WWP1: variants seen among roughly 807,000 people sequenced by gnomAD.
WWP1 encodes NEDD4-like E3 ubiquitin-protein ligase WWP1.
In WWP1, 49 loss-of-function variants were observed where a neutral mutation model predicts 130.6. The ratio of observed to expected loss-of-function variants is 0.38; its 90% CI spans 0.30 to 0.48. The LOEUF is 0.48. Ranked by LOEUF, WWP1 falls within the 20% of genes least tolerant of loss-of-function variation. The pLI, the probability that WWP1 is intolerant of heterozygous loss-of-function variation, is 0.99. For synonymous variants in WWP1, 332 were observed against 367.8 expected, an observed-to-expected ratio of 0.90 and a Z score of 1.11; for missense variants, 809 against 1,100.6, an observed-to-expected ratio of 0.74 and a Z score of 3.75.
chr8:86,352,781 C>G (rs1763095637), intron 1 of WWP1, among the ~76,000 whole-genome samples: 1 of 152,194 alleles, frequency 6.6e-6, no homozygotes, highest in Non-Finnish European at 1.5e-5. Context: ...TTGATCCAAA[C>G]AAACTCTAGA....
Position 86,468,316 on chromosome 8 carries a change from C to A in WWP1, c.*1423C>A. The A allele has an allele frequency of 2.3e-6, 1 of 427,998 alleles. No individual in the cohort carries two copies. Among genetic ancestry groups the A allele is most frequent in the Non-Finnish European group, 4.6e-6 (1 of 219,426 alleles). The allele number at this position is 427,998 out of a possible 1,614,324, so 26.5% of individuals were successfully genotyped here. On this transcript the variant is annotated 3_prime_UTR_variant, in exon 25 of 25. Coordinates refer to ENST00000517970, the MANE Select transcript of WWP1 (RefSeq NM_007013.4). ...TTCTACATATTGAGAGTGTGTTCTC[C>A]ATTTTATTCAGAATTCATAGTAAAG...
chr8:86,375,925 T>C (rs1028670123), intron 3 of WWP1, among the ~76,000 whole-genome samples: 5 of 152,208 alleles, frequency 3.3e-5, no homozygotes, highest in Admixed American at 6.5e-5. Context: ...CTAACCAAAA[T>C]CTGTTGTCAA....
At chr8:86,400,188 C>T (rs1488180198) in intron 7 of WWP1, among the ~76,000 whole-genome samples, 3 of 151,906 alleles carry the variant, frequency 2.0e-5, no homozygotes, top group African/African-American at 7.3e-5. Context: ...AAAAATGAGC[C>T]AGGCATGGTG....
At position 86,427,702 on chromosome 8, in the gene WWP1, C is replaced by A; in HGVS notation, c.1217C>A (p.Thr406Lys). ...TATTATGTGGATCATAACACCAGAA[C>A]AACAACGTGGCAGCGGCCTACCATG... ...RVYYVDHNTR[T>K]TTWQRPTMES... Residue 406 changes from threonine (T) to lysine (K), a missense_variant, in exon 11 of 25, where the codon ACA becomes AAA. Transcript: ENST00000517970. The A allele has an allele frequency of 6.2e-7, 1 of 1,613,928 alleles. No homozygotes were observed. Among genetic ancestry groups the A allele is most frequent in the Non-Finnish European group, 8.5e-7 (1 of 1,179,914 alleles).
At chr8:86,387,507 A>G (rs567331989) in intron 5 of WWP1, among the ~76,000 whole-genome samples, 26 of 151,622 alleles carry the variant, frequency 1.7e-4, no homozygotes, top group African/African-American at 5.3e-4. Flanking sequence ...TTATTTATTT[A>G]TTTTATCATT....
At chr8:86,461,942 T>A in intron 24 of WWP1, 96 bp downstream of exon 24, 1 of 943,706 alleles carries the variant, frequency 1.1e-6, no homozygotes, top group Non-Finnish European at 1.7e-6. Flanking sequence ...AACTGCTTAT[T>A]CATTAAAGTA....
At chr8:86,445,976 C>CTTTTTTTTTTTTTTTT (rs56731329) in intron 18 of WWP1, among the ~76,000 whole-genome samples, 12 of 84,986 alleles carry the variant, frequency 1.4e-4, no homozygotes, top group Admixed American at 4.8e-4. Context: ...CTTTTCTTTT[C>CTTTTTTTTTTTTTTTT]TTTTTTTTTT....
chr8:86,345,866 T>C (rs1380949712), intron 1 of WWP1, among the ~76,000 whole-genome samples: 1 of 152,238 alleles, frequency 6.6e-6, no homozygotes, highest in African/African-American at 2.4e-5. Flanking sequence ...TGTTATTTGC[T>C]ATTATATTAC....
intron 21 of WWP1, among the ~76,000 whole-genome samples, chr8:86,453,645 A>C (rs1811290003): frequency 6.6e-6 from 1 of 152,158 alleles, no homozygotes; most frequent in Non-Finnish European, 1.5e-5. Flanking sequence ...ATCATTTTAC[A>C]TTCCTATTAA....
Position 86,452,563 on chromosome 8 carries a change from A to G in WWP1, c.2278A>G (p.Met760Val). 1 of 1,600,424 alleles carries G rather than the reference A, an allele frequency of 6.2e-7. No individual in the cohort carries two copies. The highest frequency in any genetic ancestry group is 1.1e-5 in the South Asian group (1 of 88,122). Residue 760 changes from methionine to valine, a missense_variant, in exon 21 of 25, where the codon ATG becomes GTG. Transcript: ENST00000517970. Reference protein sequence around the residue: ...EENKDEYIGLMTEWRFSRGVQ... With the variant: ...EENKDEYIGLVTEWRFSRGVQ... ...AAATACCATCTTTATTTTCAGTTTA[A>G]TGACAGAATGGCGTTTTTCTCGAGG...
chr8:86,414,248 TA>T (rs1808749856), intron 9 of WWP1, among the ~76,000 whole-genome samples: 2 of 150,088 alleles, frequency 1.3e-5, no homozygotes, highest in Non-Finnish European at 3.0e-5. Flanking sequence ...TGTGTGTGTG[TA>T]TGTGTGTGTA....
At chr8:86,363,120 G>A (rs1229195761) in intron 1 of WWP1, among the ~76,000 whole-genome samples, 4 of 152,120 alleles carry the variant, frequency 2.6e-5, no homozygotes, top group South Asian at 2.1e-4. Flanking sequence ...ATCCATGAAT[G>A]GGGCAGTCTC....
intron 20 of WWP1, among the ~76,000 whole-genome samples, chr8:86,449,840 T>G (rs572143222): frequency 4.6e-5 from 7 of 152,222 alleles, no homozygotes; most frequent in Non-Finnish European, 5.9e-5. Flanking sequence ...TTTTTTGTCT[T>G]AAGGACAGTA....
chr8:86,380,035 C>T (rs749265283), intron 3 of WWP1, among the ~76,000 whole-genome samples: 1 of 152,084 alleles, frequency 6.6e-6, no homozygotes, highest in Non-Finnish European at 1.5e-5. Flanking sequence ...TGAAAACATA[C>T]GTCCACAAAA....
intron 24 of WWP1, among the ~76,000 whole-genome samples, chr8:86,465,337 T>C (rs180858120): frequency 1.2e-4 from 16 of 135,088 alleles, no homozygotes; most frequent in African/African-American, 4.2e-4. Flanking sequence ...ACAAAACAAA[T>C]AGACCCAAAG....
At chr8:86,444,322 G>T (rs565007135) in intron 18 of WWP1, among the ~76,000 whole-genome samples, 1 of 152,204 alleles carries the variant, frequency 6.6e-6, no homozygotes, top group African/African-American at 2.4e-5. Context: ...TTTAGGTTTG[G>T]CTTGTTAAGT....
chr8:86,392,579 C>T (rs1333180097), intron 5 of WWP1, among the ~76,000 whole-genome samples: 1 of 152,106 alleles, frequency 6.6e-6, no homozygotes, highest in African/African-American at 2.4e-5. Flanking sequence ...ATAAATCTCT[C>T]TTTATATTGA....
chr8:86,400,342 A>T (rs1270414311), intron 7 of WWP1, among the ~76,000 whole-genome samples: 1 of 152,080 alleles, frequency 6.6e-6, no homozygotes, highest in Non-Finnish European at 1.5e-5. Flanking sequence ...CGGGGGGAAA[A>T]AAATAAATAA....
At chr8:86,460,176 CT>C (rs1416552977) in intron 22 of WWP1, among the ~76,000 whole-genome samples, 3 of 152,152 alleles carry the variant, frequency 2.0e-5, no homozygotes, top group Non-Finnish European at 4.4e-5. Flanking sequence ...GGAATGTGTA[CT>C]TTGGTTTTTC....
Sources: allele counts gnomAD v4.1 joint callset (sites outside exome capture counted in the v4.1 genomes callset), GRCh38; gene constraint gnomAD v4.1.1; transcripts MANE v1.5; gene names NCBI Gene and HGNC (gene_info 2026-07-23, HGNC 2026-07-21).